Variants in PCDHGA5 observed in about 807,000 individuals in gnomAD.
The protein encoded by PCDHGA5 is protocadherin gamma subfamily A, 5.
In PCDHGA5, 36 loss-of-function variants were observed where a neutral mutation model predicts 56.7. The ratio of observed to expected loss-of-function variants is 0.64; its 90% CI spans 0.49 to 0.84. The LOEUF is 0.84. Ranked by LOEUF, PCDHGA5 falls within the 40% of genes least tolerant of loss-of-function variation. The pLI is 0.00. For synonymous variants in PCDHGA5, 563 were observed against 520.2 expected, an observed-to-expected ratio of 1.08 and a Z score of -1.12; for missense variants, 1,305 against 1,201.5, an observed-to-expected ratio of 1.09 and a Z score of -1.27.
chr5:141,423,106 G>T lies in PCDHGA5; in HGVS notation c.2421+56355G>T, dbSNP rs562864937. On this transcript the variant is annotated intron_variant, in intron 1 of 3. Coordinates refer to ENST00000518069, the MANE Select transcript of PCDHGA5 (RefSeq NM_018918.3). ...CGCGGTGGGGGAGCACACGGGCGAGGTGCGTACAGCGCGGGCACTGCTGGA... is the reference window on the plus strand; with the variant it reads ...CGCGGTGGGGGAGCACACGGGCGAGTTGCGTACAGCGCGGGCACTGCTGGA... The T allele has an allele frequency of 1.2e-5, 19 of 1,613,894 alleles. No individual in the cohort carries two copies. The African/African-American group carries it at 2.1e-4, about 18-fold the overall frequency.
Position 141,394,139 on chromosome 5 carries a change from G to A in PCDHGA5, c.2421+27388G>A, listed in dbSNP as rs780148099. 1.7e-5 allele frequency: 27 copies of A among 1,613,788 alleles called. No individual in the cohort carries two copies. The African/African-American group carries it at 3.5e-4, about 21-fold the overall frequency. On this transcript the variant is annotated intron_variant, in intron 1 of 3. Coordinates refer to ENST00000518069, the MANE Select transcript of PCDHGA5 (RefSeq NM_018918.3). ...CTGAAACTCAAATCGCTCTGCACGTGGCAGACATTAACGACAACCCTCCTA... is the reference window on the plus strand; with the variant it reads ...CTGAAACTCAAATCGCTCTGCACGTAGCAGACATTAACGACAACCCTCCTA...
intron 1 of PCDHGA5, chr5:141,426,204 T>C (rs10046053): frequency 0.11 from 17,599 of 155,696 alleles, 1,197 homozygotes; most frequent in African/African-American, 0.19. Flanking sequence ...TTGAGTTTTC[T>C]ATGTATGGAA....
At chr5:141,438,591 C>CATATATATATATAT (rs946798767) in intron 1 of PCDHGA5, among the ~76,000 whole-genome samples, 3 of 75,556 alleles carry the variant, frequency 4.0e-5, no homozygotes, top group Non-Finnish European at 8.0e-5. Context: ...TACATACATA[C>CATATATATATATAT]ATATATATAT....
rs754462129 is a variant in PCDHGA5, at chr5:141,490,693, G to T, written c.2422-4114G>T. 6.2e-7 allele frequency: 1 copy of T among 1,614,170 alleles called. No homozygotes were observed. Among genetic ancestry groups the T allele is most frequent in the South Asian group, 1.1e-5 (1 of 91,072 alleles). On this transcript the variant is annotated intron_variant, in intron 1 of 3. Transcript: ENST00000518069. This position sits in a 1 kb window ranked among gnomAD's most constrained non-coding sequence, Gnocchi z 5.4. Reference sequence around the variant, plus strand: ...GGCTGCCTCAGATCCAGACACTGGGGATAATGCCCGCCTCACCTACTCCAT... The same window carrying T: ...GGCTGCCTCAGATCCAGACACTGGGTATAATGCCCGCCTCACCTACTCCAT...
At chr5:141,505,563 T>C in intron 3 of PCDHGA5, 82 bp downstream of exon 3, 1 of 1,603,814 alleles carries the variant, frequency 6.2e-7, no homozygotes, top group Non-Finnish European at 8.5e-7. Flanking sequence ...GCCCACGGAC[T>C]GGATGTCAAA....
At chr5:141,451,185 T>C (rs900513875) in intron 1 of PCDHGA5, among the ~76,000 whole-genome samples, 1 of 152,182 alleles carries the variant, frequency 6.6e-6, no homozygotes, top group Non-Finnish European at 1.5e-5. Context: ...GCCATTGCTG[T>C]GTAACAAATT....
rs201857404 is a variant in PCDHGA5, at chr5:141,485,844, G to C, written c.2422-8963G>C. The C allele has an allele frequency of 1.1e-5, 18 of 1,613,772 alleles. No homozygotes were observed. The highest frequency in any genetic ancestry group is 1.4e-5 in the Non-Finnish European group (16 of 1,179,956). ...GATGGAGGGAACCCGCCGAGATCTG[G>C]CACCGCAGAGCTCCGGGTATCCGTG... is the stretch of plus-strand genomic sequence containing the variant. On this transcript the variant is annotated intron_variant, in intron 1 of 3. Transcript: ENST00000518069. This position sits in a 1 kb window ranked among gnomAD's most constrained non-coding sequence, Gnocchi z 5.7.
At chr5:141,394,748 C>T (rs960054108) in intron 1 of PCDHGA5, 1 of 1,613,414 alleles carries the variant, frequency 6.2e-7, no homozygotes, top group Non-Finnish European at 8.5e-7. Context: ...TCGTGGTGGC[C>T]GTCCAGGACC....
intron 1 of PCDHGA5, chr5:141,399,954 G>A (rs1327007587): frequency 3.7e-6 from 6 of 1,612,110 alleles, no homozygotes; most frequent in Non-Finnish European, 4.2e-6. Context: ...AGGCTAGCGA[G>A]CCCGGGCTCT....
At position 141,485,568 on chromosome 5, in the gene PCDHGA5, G is replaced by T. The variant is rs1020556289; in HGVS notation, c.2422-9239G>T. 6.2e-7 allele frequency: 1 copy of T among 1,612,758 alleles called. No homozygotes were observed. Among genetic ancestry groups the T allele is most frequent in the Non-Finnish European group, 8.5e-7 (1 of 1,178,924 alleles). On this transcript the variant is annotated intron_variant, in intron 1 of 3. Coordinates refer to ENST00000518069, the MANE Select transcript of PCDHGA5 (RefSeq NM_018918.3). The surrounding 1 kb of genome is among the most constrained non-coding windows in gnomAD (Gnocchi z 5.7). Reference sequence around the variant, plus strand: ...GTAGATGTGAATGATCACGCCCCCCGTTTTCCGCGGCAGCAGCTGGACTTG... The same window carrying T: ...GTAGATGTGAATGATCACGCCCCCCTTTTTCCGCGGCAGCAGCTGGACTTG...
intron 1 of PCDHGA5, chr5:141,428,156 C>A: frequency 6.3e-7 from 1 of 1,579,884 alleles, no homozygotes; most frequent in Non-Finnish European, 8.6e-7. Context: ...CGGGAACCTG[C>A]TGGTTGCTGT....
intron 1 of PCDHGA5, among the ~76,000 whole-genome samples, chr5:141,470,888 T>C (rs2099243463): frequency 6.6e-6 from 1 of 151,912 alleles, no homozygotes; most frequent in Non-Finnish European, 1.5e-5. Context: ...GTTTTTGTTT[T>C]TGTTTTTTGT....
chr5:141,420,018 G>T, intron 1 of PCDHGA5: 2 of 1,614,066 alleles, frequency 1.2e-6, no homozygotes, highest in African/African-American at 2.7e-5. Flanking sequence ...CAGTCTTTCA[G>T]CCCTACTGCA....
intron 1 of PCDHGA5, chr5:141,403,949 G>T: frequency 1.2e-6 from 2 of 1,613,886 alleles, no homozygotes; most frequent in Non-Finnish European, 1.7e-6. Flanking sequence ...GTGGACAAAA[G>T]TGCTCATTTC....
At chr5:141,405,104 C>A in intron 1 of PCDHGA5, 3 of 1,613,940 alleles carry the variant, frequency 1.9e-6, no homozygotes, top group Non-Finnish European at 2.5e-6. Flanking sequence ...CAGGCTGAGG[C>A]ACTGGCACTC....
intron 1 of PCDHGA5, chr5:141,372,068 T>C (rs770870533): frequency 3.1e-6 from 5 of 1,613,630 alleles, no homozygotes; most frequent in Non-Finnish European, 1.7e-6. Flanking sequence ...GCAACGACAA[T>C]GCACCGCTGG....
At chr5:141,507,932 G>C (rs2099865030) in intron 3 of PCDHGA5, 1 of 152,338 alleles carries the variant, frequency 6.6e-6, no homozygotes, top group Admixed American at 6.5e-5. Context: ...TGCTGAGAGG[G>C]GTTAAGTAAG....
rs185055424 is a variant in PCDHGA5, at chr5:141,457,894, G to A, written c.2422-36913G>A. Among the ~76,000 whole-genome samples the A allele has an allele frequency of 3.2e-3, 488 of 152,332 alleles. 1 individual carries two copies. Among genetic ancestry groups the A allele is most frequent in the Non-Finnish European group, 5.0e-3 (342 of 68,028 alleles). On this transcript the variant is annotated intron_variant, in intron 1 of 3. Transcript: ENST00000518069. ...GTTAGGAACCCTGTGTGGGGACTGT[G>A]TAGACAAGGTGTGAGGCCAGTTCTC...
At position 141,365,186 on chromosome 5, in the gene PCDHGA5, G is replaced by T; in HGVS notation, c.856G>T (p.Glu286Ter). The change falls in exon 1 of 4, where the codon GAA becomes TAA. Residue 286 changes from glutamate (E) to a stop codon, truncating the protein, a stop_gained. Transcript: ENST00000518069. LOFTEE classifies it high-confidence loss of function. Reference protein sequence around the residue: ...KLTYSFRNEEEKISETFQLDS... With the variant: ...KLTYSFRNEE ...GACCTACTCTTTTCGCAATGAAGAA[G>T]AAAAAATTTCGGAGACTTTCCAACT... The T allele has an allele frequency of 6.2e-7, 1 of 1,613,880 alleles. No homozygotes were observed. Among genetic ancestry groups the T allele is most frequent in the Non-Finnish European group, 8.5e-7 (1 of 1,179,888 alleles).
Sources: gnomAD v4.1 joint callset for allele counts (sites outside exome capture counted in the v4.1 genomes callset) on GRCh38, gnomAD v4.1.1 for gene constraint, Gnocchi (gnomAD v3.1) non-coding constraint, MANE v1.5 for transcripts, NCBI Gene and HGNC (gene_info 2026-07-23, HGNC 2026-07-21) for gene names.